The following ZNF586 variants were observed in gnomAD, a reference collection of about 807,000 sequenced individuals.
ZNF586 encodes zinc finger protein 586.
ZNF586 carries 7 observed loss-of-function variants against 6.7 expected under a neutral mutation model. The ratio of observed to expected loss-of-function variants is 1.04; its 90% confidence interval spans 0.59 to 1.95. The LOEUF (loss-of-function observed/expected upper bound fraction) is 1.95, where lower values mean the gene tolerates loss of function less well. ZNF586 is among the 30% of genes most tolerant of loss of function. The pLI is 0.00. For synonymous variants in ZNF586, 166 were observed against 168.7 expected (o/e 0.98, Z 0.12); for missense variants, 442 against 489.6 (o/e 0.90, Z 0.92).
chr19:57,770,112 G>A (rs988608541), intron 1 of ZNF586, among the ~76,000 whole-genome samples: 1 of 151,932 alleles, frequency 6.6e-6, no homozygotes, highest in Non-Finnish European at 1.5e-5. Context: ...GGAACACGGG[G>A]ACATCGTGTG....
chr19:57,775,600 C>CTTTTTTT (rs563657252), intron 1 of ZNF586, among the ~76,000 whole-genome samples: 1 of 122,782 alleles, frequency 8.1e-6, no homozygotes, highest in African/African-American at 3.2e-5. Context: ...CCTGGTTGCT[C>CTTTTTTT]TTTTTTTTTT....
Position 57,778,829 on chromosome 19 carries a change from G to A in ZNF586, c.242G>A (p.Gly81Asp), listed in dbSNP as rs774651090. The A allele has an allele frequency of 2.5e-6, 4 of 1,614,154 alleles. No individual in the cohort carries two copies. In the Admixed American group the frequency reaches 5.0e-5, roughly 20 times the overall value. The change falls in exon 3 of 3, where the codon GGT (glycine) becomes GAT (aspartate). Residue 81 changes from glycine (G) to aspartate (D), a missense_variant. Gly to Asp is a moderately conservative substitution (Grantham distance 94). Transcript: ENST00000396154. ...TCIHIYKDQG[G>D]HSGERPYECG... ...ATACATATATACAAAGACCAGGGAG[G>A]TCATAGTGGAGAAAGGCCTTATGAG...
At position 57,776,575 on chromosome 19, in the gene ZNF586, C is replaced by A. The variant is rs1987241018; in HGVS notation, c.69C>A (p.Asn23Lys). Reference sequence around the variant, plus strand: ...TGACCTTTGAAGATGTGGCTGTAAACTTTTCCCTGGAGGAATGGAGTCTTC... The same window carrying A: ...TGACCTTTGAAGATGTGGCTGTAAAATTTTCCCTGGAGGAATGGAGTCTTC... ...SSVTFEDVAVNFSLEEWSLLN... is the reference protein window; with the variant it reads ...SSVTFEDVAVKFSLEEWSLLN... The change falls in exon 2 of 3, where the codon AAC (asparagine) becomes AAA (lysine). Residue 23 changes from asparagine to lysine, a missense_variant. Coordinates refer to ENST00000396154, the MANE Select transcript of ZNF586 (RefSeq NM_017652.4). 2 of 1,613,646 alleles carry A rather than the reference C, an allele frequency of 1.2e-6. No individual in the cohort carries two copies. The highest frequency in any genetic ancestry group is 1.1e-5 in the South Asian group (1 of 91,034).
intron 1 of ZNF586, among the ~76,000 whole-genome samples, chr19:57,771,165 G>A (rs1987086580): frequency 6.6e-6 from 1 of 151,918 alleles, no homozygotes; most frequent in African/African-American, 2.4e-5. Context: ...GCCAGGCCTG[G>A]TGGCACACAC....
chr19:57,779,149 G>A lies in ZNF586; in HGVS notation c.562G>A (p.Ala188Thr), dbSNP rs761145751. ...GTGTATTGAATGTGGGAAAGCCTTT[G>A]CTGAAAAGTCCAGTCTCATTAACCA... Reference protein sequence around the residue: ...YECIECGKAFAEKSSLINHRK... With the variant: ...YECIECGKAFTEKSSLINHRK... The change falls in exon 3 of 3, where the codon GCT (alanine) becomes ACT (threonine). Residue 188 changes from alanine to threonine, a missense_variant. Physicochemically the swap from Ala to Thr is moderately conservative, Grantham distance 58. Transcript: ENST00000396154. 1 of 1,612,738 alleles carries A rather than the reference G, an allele frequency of 6.2e-7. No homozygotes were observed. The highest frequency in any genetic ancestry group is 8.5e-7 in the Non-Finnish European group (1 of 1,179,712).
intron 1 of ZNF586, among the ~76,000 whole-genome samples, chr19:57,775,881 C>T (rs931912751): frequency 3.9e-5 from 6 of 152,180 alleles, no homozygotes; most frequent in African/African-American, 9.7e-5. Context: ...GGATTACAGG[C>T]GTGCGCCACC....
rs1006072198 is a variant in ZNF586 at position 57,780,532 on chromosome 19, C to T, written c.*736C>T. 3.3e-5 allele frequency: 5 copies of T among 152,182 alleles called. No homozygotes were observed. The highest frequency in any genetic ancestry group is 1.2e-4 in the African/African-American group (5 of 41,442). 9.4% of individuals were successfully genotyped at this position (152,182 alleles called of 1,614,324 possible). ...CAGTCATGAATCTCAGACAGCCTGC[C>T]ACCTATTGCCCTGATTTGTGTTATA... On this transcript the variant is annotated 3_prime_UTR_variant, in exon 3 of 3. Coordinates refer to ENST00000396154, the MANE Select transcript of ZNF586 (RefSeq NM_017652.4).
At chr19:57,771,798 C>G (rs1987103662) in intron 1 of ZNF586, among the ~76,000 whole-genome samples, 2 of 151,942 alleles carry the variant, frequency 1.3e-5, no homozygotes, top group African/African-American at 4.8e-5. Flanking sequence ...GTGGCTAGAT[C>G]TGGATTTGTG....
intron 2 of ZNF586, among the ~76,000 whole-genome samples, chr19:57,777,442 C>T (rs1482672073): frequency 6.6e-6 from 1 of 152,074 alleles, no homozygotes; most frequent in Non-Finnish European, 1.5e-5. Context: ...CAGCTTGGTT[C>T]TGAAGAATAG....
intron 2 of ZNF586, 55 bp downstream of exon 2, chr19:57,776,724 T>C: frequency 1.3e-6 from 2 of 1,522,014 alleles, no homozygotes; most frequent in Non-Finnish European, 1.8e-6. Flanking sequence ...CTCACCTTTA[T>C]GCCTTATCTC....
chr19:57,777,841 C>T (rs113348803), intron 2 of ZNF586, among the ~76,000 whole-genome samples: 5 of 148,770 alleles, frequency 3.4e-5, no homozygotes, highest in Admixed American at 2.7e-4. Context: ...CTGCAACCTC[C>T]GCCTCCCAGG....
chr19:57,779,141 A>T lies in ZNF586; in HGVS notation c.554A>T (p.Lys185Ile). 2 of 1,613,912 alleles carry T rather than the reference A, an allele frequency of 1.2e-6. No individual in the cohort carries two copies. Among genetic ancestry groups the T allele is most frequent in the Non-Finnish European group, 1.7e-6 (2 of 1,179,996 alleles). Reference protein sequence around the residue: ...ERPYECIECGKAFAEKSSLIN... With the variant: ...ERPYECIECGIAFAEKSSLIN... Reference sequence around the variant, plus strand: ...CCTTATGAGTGTATTGAATGTGGGAAAGCCTTTGCTGAAAAGTCCAGTCTC... The same window carrying T: ...CCTTATGAGTGTATTGAATGTGGGATAGCCTTTGCTGAAAAGTCCAGTCTC... Residue 185 changes from lysine (K) to isoleucine (I), a missense_variant, in exon 3 of 3, where the codon AAA (lysine) becomes ATA (isoleucine). Coordinates refer to ENST00000396154, the MANE Select transcript of ZNF586 (RefSeq NM_017652.4).
Position 57,779,283 on chromosome 19 carries a change from G to C in ZNF586, c.696G>C (p.Arg232Ser). ...IKHRRIHTGE[R>S]PYECSECGRS... ...ACAGGAGGATTCACACTGGAGAGAG[G>C]CCTTATGAGTGCAGTGAATGTGGGA... The change falls in exon 3 of 3, where the codon AGG (arginine) becomes AGC (serine). Residue 232 changes from arginine to serine, a missense_variant. Transcript: ENST00000396154. The C allele has an allele frequency of 6.2e-7, 1 of 1,614,194 alleles. No individual in the cohort carries two copies. Among genetic ancestry groups the C allele is most frequent in the East Asian group, 2.2e-5 (1 of 44,874 alleles).
rs758151178 is a variant in ZNF586, at chr19:57,769,826, C to T, written c.-17C>T. 6.5e-5 allele frequency: 101 copies of T among 1,543,832 alleles called. No individual in the cohort carries two copies. The highest frequency in any genetic ancestry group is 6.7e-5 in the Non-Finnish European group (77 of 1,144,712). On this transcript the variant is annotated 5_prime_UTR_variant, in exon 1 of 3. Transcript: ENST00000396154. ...CAGGAACACCGCCGAGCCCGCGTTC[C>T]CCCCCCGCCCAGAGTCATGGCGGCA...
In ZNF586 at chr19:57,780,118, C is replaced by A; in HGVS notation, c.*322C>A. The A allele has an allele frequency of 3.2e-6, 1 of 316,190 alleles. No individual in the cohort carries two copies. Among genetic ancestry groups the A allele is most frequent in the Non-Finnish European group, 5.8e-6 (1 of 172,880 alleles). The allele number at this position is 316,190 out of a possible 1,614,324, so 19.6% of individuals were successfully genotyped here. A position where few individuals can be genotyped will look rare whatever the true frequency, so the allele number is the denominator to read the frequency against. On this transcript the variant is annotated 3_prime_UTR_variant, in exon 3 of 3. Transcript: ENST00000396154. Reference sequence around the variant, plus strand: ...GATGCCATCTGCCTAAATTGAATGTCATACATCAAATAGCTGCATACATTC... The same window carrying A: ...GATGCCATCTGCCTAAATTGAATGTAATACATCAAATAGCTGCATACATTC...
chr19:57,769,829 C>CT lies in ZNF586; in HGVS notation c.-14_-13insT, dbSNP rs1600076803. On this transcript the variant is annotated 5_prime_UTR_variant, in exon 1 of 3. Coordinates refer to ENST00000396154, the MANE Select transcript of ZNF586 (RefSeq NM_017652.4). ...GAACACCGCCGAGCCCGCGTTCCCC[C>CT]CCCGCCCAGAGTCATGGCGGCAGCA... 6.5e-7 allele frequency: 1 copy of CT among 1,545,832 alleles called. No individual in the cohort carries two copies. The highest frequency in any genetic ancestry group is 8.7e-7 in the Non-Finnish European group (1 of 1,146,150).
intron 2 of ZNF586, among the ~76,000 whole-genome samples, chr19:57,777,573 T>C (rs1987263687): frequency 6.6e-6 from 1 of 152,116 alleles, no homozygotes; most frequent in Admixed American, 6.6e-5. Context: ...TTCCCCATTC[T>C]TGAGAGTGCC....
At chr19:57,778,683 A>G (rs1396658885) in intron 2 of ZNF586, 68 bp from the exon 3 acceptor site, 2 of 1,453,312 alleles carry the variant, frequency 1.4e-6, no homozygotes, top group Non-Finnish European at 1.9e-6. Flanking sequence ...TTTGTCAGAT[A>G]CTCTTGTGGG....
Position 57,772,461 on chromosome 19 carries a change from C to T in ZNF586, c.36+2583C>T, listed in dbSNP as rs548248726. Among the ~76,000 whole-genome samples, 10 of 151,588 alleles carry T rather than the reference C, an allele frequency of 6.6e-5. No individual in the cohort carries two copies. The South Asian group carries it at 8.3e-4, about 13-fold the overall frequency. On this transcript the variant is annotated intron_variant, in intron 1 of 2. Coordinates refer to ENST00000396154, the MANE Select transcript of ZNF586 (RefSeq NM_017652.4). ...GAAGTCTCAGTCCCACGGGACTGTC[C>T]GCCAACCCCTTTCGATGCCAATCAC... is the stretch of plus-strand genomic sequence containing the variant.
Sources: allele counts gnomAD v4.1 joint callset (sites outside exome capture counted in the v4.1 genomes callset), GRCh38; gene constraint gnomAD v4.1.1; transcripts MANE v1.5; gene names NCBI Gene and HGNC (gene_info 2026-07-23, HGNC 2026-07-21).